The following LARP4B variants were observed in gnomAD, a reference collection of about 807,000 sequenced individuals.
LARP4B encodes la-related protein 4B.
In LARP4B, 12 loss-of-function variants were observed where a neutral mutation model predicts 89.8. The ratio of observed to expected loss-of-function variants is 0.13; its 90% CI spans 0.09 to 0.22. LARP4B has a LOEUF of 0.22. LARP4B is among the 10% of genes least tolerant of loss of function. The probability of loss-of-function intolerance (pLI) is 1.00; values close to 1 mark genes in which losing one functional copy is unlikely to be tolerated. For missense variants in LARP4B, 757 were observed against 947.7 expected (o/e 0.80, Z 2.64); for synonymous variants, 367 against 363.3 (o/e 1.01, Z -0.12).
rs1833525723 is a variant in LARP4B at position 841,630 on chromosome 10, AC to A, written c.646+1301del. Among the ~76,000 whole-genome samples the A allele has an allele frequency of 2.0e-5, 3 of 152,326 alleles. No homozygotes were observed. The South Asian group carries it at 6.2e-4, about 32-fold the overall frequency. The stretch of plus-strand genomic sequence containing the variant: ...ACTAAACCTGAAACTCCTAATCATA[AC>A]CAAAAAGACTTCAGAGTACAAACAG... On this transcript the variant is annotated intron_variant, in intron 7 of 17. Coordinates refer to ENST00000316157, the MANE Select transcript of LARP4B (RefSeq NM_015155.3).
intron 1 of LARP4B, among the ~76,000 whole-genome samples, chr10:894,742 G>C (rs1836136612): frequency 6.6e-6 from 1 of 152,176 alleles, no homozygotes; most frequent in Admixed American, 6.5e-5. Context: ...TCTGGAATTT[G>C]CTTTAGAATA....
intron 1 of LARP4B, among the ~76,000 whole-genome samples, chr10:928,199 GCGA>G (rs1837204642): frequency 6.6e-6 from 1 of 151,404 alleles, no homozygotes; most frequent in Non-Finnish European, 1.5e-5. Context: ...TCCAGCTTGG[GCGA>G]CAAGAGTGAA....
rs74118452 is a variant in LARP4B at position 870,633 on chromosome 10, G to C, written c.142-6363C>G. On this transcript the variant is annotated intron_variant, in intron 3 of 17. Transcript: ENST00000316157. ...TTTCCTTCTTTGAAATGGTGTGCAC[G>C]TTCACTCGTCCCACATGGACCCAGG... 2.9e-3 allele frequency among the ~76,000 whole-genome samples: 438 copies of C among 152,268 alleles called. 5 individuals are homozygous for C. The highest frequency in any genetic ancestry group is 0.01 in the African/African-American group (424 of 41,552).
At chr10:860,349 T>G (rs1056141319) in intron 5 of LARP4B, among the ~76,000 whole-genome samples, 2 of 152,162 alleles carry the variant, frequency 1.3e-5, no homozygotes, top group African/African-American at 4.8e-5. Flanking sequence ...CATAAGGATG[T>G]GGTGCTTTAA....
At chr10:898,897 A>G (rs1461881677) in intron 1 of LARP4B, among the ~76,000 whole-genome samples, 4 of 152,228 alleles carry the variant, frequency 2.6e-5, no homozygotes, top group South Asian at 2.1e-4. Context: ...CTATTCAACT[A>G]TATGTGCCTG....
intron 11 of LARP4B, among the ~76,000 whole-genome samples, chr10:828,507 G>A (rs1832736069): frequency 6.6e-6 from 1 of 152,124 alleles, no homozygotes; most frequent in African/African-American, 2.4e-5. Context: ...TGTCAGCGGT[G>A]ACATCCCTGC....
chr10:837,953 G>C (rs10904574), intron 7 of LARP4B, among the ~76,000 whole-genome samples: 7,424 of 151,698 alleles, frequency 0.049, 273 homozygotes, highest in East Asian at 0.13. Flanking sequence ...AAAAAAAACA[G>C]CTGTACACTT....
intron 14 of LARP4B, chr10:818,216 A>G: frequency 4.6e-6 from 1 of 219,180 alleles, no homozygotes; most frequent in Non-Finnish European, 9.0e-6. Context: ...GACACTCTGG[A>G]GTGACTCCAG....
chr10:856,617 G>C (rs890334489), intron 5 of LARP4B, among the ~76,000 whole-genome samples: 1 of 152,226 alleles, frequency 6.6e-6, no homozygotes, highest in African/African-American at 2.4e-5. Flanking sequence ...GGCCAAGTCT[G>C]AGAGTTAAAA....
intron 1 of LARP4B, among the ~76,000 whole-genome samples, chr10:889,518 G>A (rs1462950578): frequency 6.6e-6 from 1 of 152,222 alleles, no homozygotes; most frequent in Non-Finnish European, 1.5e-5. Flanking sequence ...ACTCCACACA[G>A]ACAGTGGTCC....
the LARP4B span, among the ~76,000 whole-genome samples, chr10:967,839 T>A: frequency 6.6e-6 from 1 of 152,304 alleles, no homozygotes; most frequent in African/African-American, 2.4e-5. Flanking sequence ...TAGCTGGGAT[T>A]ACAGGCGTGT....
chr10:816,964 G>A (rs918422523), intron 15 of LARP4B, among the ~76,000 whole-genome samples: 14 of 152,184 alleles, frequency 9.2e-5, no homozygotes, highest in African/African-American at 3.4e-4. Flanking sequence ...ATGTGGCGTG[G>A]AACAGACACG....
chr10:943,886 A>G, the LARP4B span, among the ~76,000 whole-genome samples: 2 of 151,994 alleles, frequency 1.3e-5, no homozygotes, highest in African/African-American at 2.4e-5. Context: ...CCGCTGCTTT[A>G]TCCCCAGCAC....
intron 8 of LARP4B, among the ~76,000 whole-genome samples, chr10:832,738 A>G (rs922859572): frequency 6.6e-6 from 1 of 152,214 alleles, no homozygotes; most frequent in Non-Finnish European, 1.5e-5. Flanking sequence ...TTTCATAAAT[A>G]AAGGTGAAAT....
intron 1 of LARP4B, among the ~76,000 whole-genome samples, chr10:909,022 C>G (rs564203985): frequency 6.6e-6 from 1 of 151,918 alleles, no homozygotes; most frequent in Non-Finnish European, 1.5e-5. Flanking sequence ...CGGCCAGGCG[C>G]GGTGGCTCAT....
chr10:856,918 C>T (rs1834334529), intron 5 of LARP4B, among the ~76,000 whole-genome samples: 2 of 152,094 alleles, frequency 1.3e-5, no homozygotes, highest in South Asian at 4.2e-4. Flanking sequence ...CTCCTCTGGT[C>T]ATGCTGCCCC....
intron 5 of LARP4B, among the ~76,000 whole-genome samples, chr10:856,555 C>T (rs1046682146): frequency 3.1e-4 from 47 of 152,282 alleles, no homozygotes; most frequent in African/African-American, 1.1e-3. Context: ...GGAACCAAGG[C>T]GAGGACAGAA....
At chr10:882,834 A>G (rs1835725604) in intron 3 of LARP4B, among the ~76,000 whole-genome samples, 1 of 152,150 alleles carries the variant, frequency 6.6e-6, no homozygotes, top group Non-Finnish European at 1.5e-5. Flanking sequence ...CTCAACTCTG[A>G]CAGAATGGCT....
At chr10:809,481 CTA>C (rs1168370010), downstream of LARP4B, 6 of 152,064 alleles carry the variant, frequency 3.9e-5, no homozygotes, top group African/African-American at 1.2e-4. Context: ...AGACAAAAAA[CTA>C]TGTTTAGAAA....
Sources: gnomAD v4.1 joint callset for allele counts (sites outside exome capture counted in the v4.1 genomes callset) on GRCh38, gnomAD v4.1.1 for gene constraint, MANE v1.5 for transcripts, NCBI Gene and HGNC (gene_info 2026-07-23, HGNC 2026-07-21) for gene names.